ERC2: variants seen among roughly 807,000 people sequenced by gnomAD.
ERC2 encodes the protein ELKS/RAB6-interacting/CAST family member 2, also known as ERC protein 2.
ERC2 carries 42 observed loss-of-function variants against 114.8 expected under a neutral mutation model. That is an observed-to-expected ratio of 0.37 (90% CI 0.29 to 0.47). The LOEUF (loss-of-function observed/expected upper bound fraction) is 0.47. ERC2 is among the 20% of genes least tolerant of loss of function. ERC2 has a pLI of 0.99. For missense variants in ERC2, 939 were observed against 1,150.7 expected (o/e 0.82, Z 2.66); for synonymous variants, 454 against 425.5 (o/e 1.07, Z -0.82).
chr3:56,385,399 C>T (rs576192412), intron 2 of ERC2, among the ~76,000 whole-genome samples: 1 of 152,132 alleles, frequency 6.6e-6, no homozygotes, highest in East Asian at 1.9e-4. Context: ...TCTCCTGACA[C>T]CACCACATTG....
chr3:55,830,916 T>A (rs2060540615), intron 14 of ERC2, among the ~76,000 whole-genome samples: 1 of 152,078 alleles, frequency 6.6e-6, no homozygotes, highest in South Asian at 2.1e-4. Flanking sequence ...TGAACTCCAG[T>A]CTGAGTGGCA....
At chr3:56,408,150 G>A (rs1308910304) in intron 2 of ERC2, among the ~76,000 whole-genome samples, 1 of 152,154 alleles carries the variant, frequency 6.6e-6, no homozygotes, top group Non-Finnish European at 1.5e-5. Context: ...TCAGAGGATA[G>A]CCCTCAACTC....
intron 3 of ERC2, among the ~76,000 whole-genome samples, chr3:56,271,122 A>G (rs2053629512): frequency 6.6e-6 from 1 of 152,260 alleles, no homozygotes; most frequent in South Asian, 2.1e-4. Context: ...ATGCCAAGGA[A>G]GATGAAGCAA....
intron 3 of ERC2, among the ~76,000 whole-genome samples, chr3:56,209,857 A>G (rs1438934443): frequency 6.6e-6 from 1 of 152,182 alleles, no homozygotes; most frequent in Non-Finnish European, 1.5e-5. Context: ...TCATAAAGTC[A>G]CAGCATTCAG....
chr3:56,215,207 A>G (rs2049370421), intron 3 of ERC2, among the ~76,000 whole-genome samples: 1 of 152,204 alleles, frequency 6.6e-6, no homozygotes, highest in African/African-American at 2.4e-5. Flanking sequence ...CAAATTGGAT[A>G]AAGAGTCAAG....
At chr3:56,087,413 T>C (rs1299995608) in intron 6 of ERC2, among the ~76,000 whole-genome samples, 1 of 152,112 alleles carries the variant, frequency 6.6e-6, no homozygotes, top group Non-Finnish European at 1.5e-5. Flanking sequence ...CCAGTTCCAA[T>C]GGTGAGGTAT....
At chr3:55,607,559 A>G (rs2058692536) in intron 17 of ERC2, among the ~76,000 whole-genome samples, 1 of 150,004 alleles carries the variant, frequency 6.7e-6, no homozygotes, top group Non-Finnish European at 1.5e-5. Context: ...ATCCAGTTGC[A>G]TTTTGACTTC....
intron 13 of ERC2, among the ~76,000 whole-genome samples, chr3:55,934,795 A>T (rs1211737932): frequency 6.6e-6 from 1 of 152,262 alleles, no homozygotes; most frequent in African/African-American, 2.4e-5. Context: ...GTGATTACAA[A>T]TGACTTTGAA....
chr3:55,646,078 C>T (rs2060384927), intron 17 of ERC2, among the ~76,000 whole-genome samples: 1 of 152,184 alleles, frequency 6.6e-6, no homozygotes, highest in South Asian at 2.1e-4. Context: ...ACGCCCCCAT[C>T]CCCCTTTTTA....
chr3:55,651,304 G>C (rs763941853), intron 17 of ERC2, among the ~76,000 whole-genome samples: 4 of 152,114 alleles, frequency 2.6e-5, no homozygotes, highest in Non-Finnish European at 4.4e-5. Flanking sequence ...TTAAGGAATT[G>C]CTCGTCTAGA....
intron 9 of ERC2, among the ~76,000 whole-genome samples, chr3:56,008,665 A>G (rs2072687165): frequency 6.6e-6 from 1 of 152,192 alleles, no homozygotes; most frequent in Admixed American, 6.5e-5. Context: ...TTAATCTAGG[A>G]GTTGCTAATA....
intron 3 of ERC2, among the ~76,000 whole-genome samples, chr3:56,184,379 G>A (rs1193219342): frequency 6.6e-6 from 1 of 152,170 alleles, no homozygotes; most frequent in Non-Finnish European, 1.5e-5. Context: ...GAACTTGACT[G>A]TCTAATGGAA....
intron 7 of ERC2, among the ~76,000 whole-genome samples, chr3:56,049,110 T>C (rs1001255313): frequency 6.6e-6 from 1 of 151,988 alleles, no homozygotes; most frequent in Non-Finnish European, 1.5e-5. Context: ...TGATAGAGGA[T>C]GTTGGAGAAT....
At position 55,626,028 on chromosome 3, in the gene ERC2, G is replaced by A. The variant is rs538357358; in HGVS notation, c.*39+57766C>T. Among the ~76,000 whole-genome samples the A allele has an allele frequency of 8.3e-4, 127 of 152,236 alleles. 4 individuals carry two copies. The South Asian group carries it at 0.026, about 31-fold the overall frequency. On this transcript the variant is annotated intron_variant, in intron 17 of 17. Coordinates refer to ENST00000288221, the MANE Select transcript of ERC2 (RefSeq NM_015576.3). ...CTAAACTGAATGTACGTCTGTTTTG[G>A]TTCCTGAAAAATGTTTCTCAGCTAC...
At chr3:55,845,241 A>G (rs112230981) in intron 14 of ERC2, among the ~76,000 whole-genome samples, 3,764 of 152,292 alleles carry the variant, frequency 0.025, 71 homozygotes, top group Non-Finnish European at 0.041. Flanking sequence ...GCGGTGGCTC[A>G]CGCCTGTAAT....
chr3:55,710,301 A>G (rs1054248132), intron 15 of ERC2, among the ~76,000 whole-genome samples: 1 of 152,204 alleles, frequency 6.6e-6, no homozygotes, highest in Non-Finnish European at 1.5e-5. Flanking sequence ...TTCTCTCAGT[A>G]CATGAACATG....
intron 14 of ERC2, among the ~76,000 whole-genome samples, chr3:55,777,562 T>C (rs1192054100): frequency 6.6e-6 from 1 of 152,188 alleles, no homozygotes; most frequent in East Asian, 1.9e-4. Flanking sequence ...ATGCTGTTCA[T>C]TACCCAGAAA....
intron 6 of ERC2, among the ~76,000 whole-genome samples, chr3:56,133,125 T>G (rs2080301423): frequency 6.6e-6 from 1 of 152,140 alleles, no homozygotes; most frequent in South Asian, 2.1e-4. Context: ...TTATAAAACT[T>G]GCCACAAATT....
At chr3:56,185,388 C>T (rs1336595231) in intron 3 of ERC2, among the ~76,000 whole-genome samples, 1 of 152,208 alleles carries the variant, frequency 6.6e-6, no homozygotes, top group Non-Finnish European at 1.5e-5. Flanking sequence ...ATGCCTCTAC[C>T]ACCATTATCT....
Sources: allele counts gnomAD v4.1 joint callset (sites outside exome capture counted in the v4.1 genomes callset), GRCh38; gene constraint gnomAD v4.1.1; transcripts MANE v1.5; gene names NCBI Gene and HGNC (gene_info 2026-07-23, HGNC 2026-07-21).